The following LUZP2 variants were observed in gnomAD, a reference collection of about 807,000 sequenced individuals.
The protein encoded by LUZP2 is leucine zipper protein 2.
In LUZP2, 52 loss-of-function variants were observed where a neutral mutation model predicts 51.6. The observed-to-expected ratio is 1.01, with a 90% CI of 0.81 to 1.27. The LOEUF (loss-of-function observed/expected upper bound fraction) is 1.27. LUZP2 is among the 50% of genes most tolerant of loss of function. The probability of loss-of-function intolerance (pLI) is 0.00; values close to 1 mark genes in which losing one functional copy is unlikely to be tolerated. For missense variants in LUZP2, 436 were observed against 395.4 expected (o/e 1.10, Z -0.87); for synonymous variants, 154 against 137.3 (o/e 1.12, Z -0.85).
chr11:24,504,708 T>G, intron 1 of LUZP2, among the ~76,000 whole-genome samples: 1 of 152,106 alleles, frequency 6.6e-6, no homozygotes, highest in South Asian at 2.1e-4. Flanking sequence ...TGTAATTTAA[T>G]AATTTTTTTT....
chr11:24,952,685 C>T (rs1237083557), intron 7 of LUZP2, among the ~76,000 whole-genome samples: 1 of 151,794 alleles, frequency 6.6e-6, no homozygotes, highest in Non-Finnish European at 1.5e-5. Flanking sequence ...ATATATGTTT[C>T]TTTGACTTGG....
chr11:25,007,087 G>T (rs1343124554), intron 9 of LUZP2, among the ~76,000 whole-genome samples: 1 of 152,030 alleles, frequency 6.6e-6, no homozygotes, highest in Non-Finnish European at 1.5e-5. Flanking sequence ...AGCAATGATT[G>T]GTGCATTTTT....
intron 1 of LUZP2, among the ~76,000 whole-genome samples, chr11:24,577,680 A>G (rs575431410): frequency 4.5e-4 from 69 of 152,302 alleles, no homozygotes; most frequent in African/African-American, 1.6e-3. Flanking sequence ...TGTGACAGGC[A>G]TTATAATAAG....
At chr11:24,728,763 A>T (rs971360028) in intron 1 of LUZP2, among the ~76,000 whole-genome samples, 1 of 151,924 alleles carries the variant, frequency 6.6e-6, no homozygotes, top group Admixed American at 6.6e-5. Context: ...TATTTTCTTT[A>T]GTGTCTGTAT....
At chr11:24,683,274 T>C (rs894275353) in intron 1 of LUZP2, among the ~76,000 whole-genome samples, 1 of 152,168 alleles carries the variant, frequency 6.6e-6, no homozygotes, top group African/African-American at 2.4e-5. Context: ...TTAAAGACTG[T>C]GAGTACTTAA....
At chr11:24,775,431 T>C (rs985610405) in intron 5 of LUZP2, among the ~76,000 whole-genome samples, 5 of 152,164 alleles carry the variant, frequency 3.3e-5, no homozygotes, top group African/African-American at 4.8e-5. Context: ...GGACAGCCAA[T>C]CCAATTGTTA....
chr11:24,771,419 T>TTTTTTTTTTTTTTTTTTTTTTGAGACG (rs1860412953), intron 5 of LUZP2, among the ~76,000 whole-genome samples: 1 of 141,200 alleles, frequency 7.1e-6, no homozygotes, highest in African/African-American at 2.6e-5. Context: ...TTTTTAACTT[T>TTTTTTTTTTTTTTTTTTTTTTGAGACG]GCATTTCTCA....
At chr11:24,912,086 CTTCCTTTCGTTTCCTTTCTT>C (rs1475775702) in intron 6 of LUZP2, among the ~76,000 whole-genome samples, 2 of 151,910 alleles carry the variant, frequency 1.3e-5, no homozygotes, top group Non-Finnish European at 2.9e-5. Flanking sequence ...TTAACTTACC[CTTCCTTTCGTTTCCTTTCTT>C]TTCCTTTCGT....
chr11:24,685,802 TTTATG>T (rs1856880782), intron 1 of LUZP2, among the ~76,000 whole-genome samples: 1 of 152,178 alleles, frequency 6.6e-6, no homozygotes, highest in African/African-American at 2.4e-5. Flanking sequence ...ACAACAATTA[TTTATG>T]TTATTTATGG....
At chr11:25,018,584 C>A (rs1857232727) in intron 9 of LUZP2, among the ~76,000 whole-genome samples, 1 of 146,370 alleles carries the variant, frequency 6.8e-6, no homozygotes, top group East Asian at 2.0e-4. Flanking sequence ...ATAATACTAT[C>A]ATTATTAATT....
At chr11:24,883,323 G>A (rs930718669) in intron 5 of LUZP2, among the ~76,000 whole-genome samples, 6 of 135,472 alleles carry the variant, frequency 4.4e-5, no homozygotes, top group Non-Finnish European at 8.9e-5. Context: ...TATGATAACA[G>A]TAAAACAAAA....
intron 10 of LUZP2, among the ~76,000 whole-genome samples, chr11:25,060,849 T>C (rs1243029760): frequency 6.6e-6 from 1 of 152,188 alleles, no homozygotes; most frequent in Admixed American, 6.5e-5. Flanking sequence ...TCTTCTTTTT[T>C]CTATTTCTCC....
At chr11:24,563,820 A>G (rs901598783) in intron 1 of LUZP2, among the ~76,000 whole-genome samples, 2 of 152,130 alleles carry the variant, frequency 1.3e-5, no homozygotes, top group African/African-American at 2.4e-5. Context: ...TCTTCATTTT[A>G]TATCTTCATT....
chr11:24,719,369 A>T (rs1858174955), intron 1 of LUZP2, among the ~76,000 whole-genome samples: 1 of 152,222 alleles, frequency 6.6e-6, no homozygotes, highest in Non-Finnish European at 1.5e-5. Context: ...TAGTTAAATC[A>T]TGGCCCCAAA....
chr11:25,039,432 G>C (rs557437644), intron 9 of LUZP2, among the ~76,000 whole-genome samples: 1 of 152,316 alleles, frequency 6.6e-6, no homozygotes, highest in East Asian at 1.9e-4. Flanking sequence ...CTGTAGGACT[G>C]ATGGGCCCCA....
At chr11:24,508,305 T>G (rs1476882134) in intron 1 of LUZP2, among the ~76,000 whole-genome samples, 2 of 152,136 alleles carry the variant, frequency 1.3e-5, no homozygotes, top group Non-Finnish European at 2.9e-5. Context: ...TTGCATGCCC[T>G]TCCGCAAATA....
chr11:24,983,043 A>G, intron 8 of LUZP2, 83 bp from the exon 9 acceptor site: 1 of 1,351,288 alleles, frequency 7.4e-7, no homozygotes, highest in Non-Finnish European at 1.0e-6. Context: ...TGGGGAGTAT[A>G]GGCTAAGAGG....
chr11:24,623,734 C>T (rs1418952631), intron 1 of LUZP2, among the ~76,000 whole-genome samples: 1 of 152,110 alleles, frequency 6.6e-6, no homozygotes, highest in Non-Finnish European at 1.5e-5. Flanking sequence ...GTAGGCCCTG[C>T]TACTCGGGAG....
At chr11:24,519,825 A>G (rs1359039773) in intron 1 of LUZP2, among the ~76,000 whole-genome samples, 1 of 152,172 alleles carries the variant, frequency 6.6e-6, no homozygotes, top group Non-Finnish European at 1.5e-5. Flanking sequence ...ATTTTGCTTC[A>G]TGATTAATTT....
Sources: gnomAD v4.1 joint callset for allele counts (sites outside exome capture counted in the v4.1 genomes callset) on GRCh38, gnomAD v4.1.1 for gene constraint, MANE v1.5 for transcripts, NCBI Gene and HGNC (gene_info 2026-07-23, HGNC 2026-07-21) for gene names.